Variants in IFT57 observed in about 807,000 individuals in gnomAD.
IFT57 encodes the protein intraflagellar transport 57.
Under a neutral mutation model 56.8 loss-of-function variants are expected in IFT57, and 59 were observed. That is an observed-to-expected ratio of 1.04 (90% CI 0.84 to 1.29). The LOEUF is 1.29. Among genes scored for constraint, IFT57 ranks in the 50% most tolerant of loss-of-function variants. IFT57 has a pLI of 0.00. For synonymous variants in IFT57, 209 were observed against 186.1 expected (o/e 1.12, Z -1.00); for missense variants, 470 against 522.1 (o/e 0.90, Z 0.97).
chr3:108,201,473 T>C (rs1197885370), intron 5 of IFT57, among the ~76,000 whole-genome samples: 1 of 152,214 alleles, frequency 6.6e-6, no homozygotes, highest in Non-Finnish European at 1.5e-5. Context: ...AAGGGTTAGT[T>C]ACCACAGAAA....
At chr3:108,194,887 A>G (rs1005898262) in intron 5 of IFT57, among the ~76,000 whole-genome samples, 3 of 152,174 alleles carry the variant, frequency 2.0e-5, no homozygotes, top group African/African-American at 7.2e-5. Context: ...CACTGGGGAA[A>G]CACTCCAGAA....
chr3:108,190,810 A>G (rs2080211182), intron 6 of IFT57, among the ~76,000 whole-genome samples: 2 of 152,170 alleles, frequency 1.3e-5, no homozygotes, highest in Admixed American at 1.3e-4. Flanking sequence ...TTATTTATTT[A>G]GAGATGGAAT....
At chr3:108,175,197 G>A (rs2080117743) in intron 6 of IFT57, among the ~76,000 whole-genome samples, 1 of 151,722 alleles carries the variant, frequency 6.6e-6, no homozygotes, top group South Asian at 2.1e-4. Context: ...GCTCTAACGT[G>A]TTCATTAGGC....
At chr3:108,200,679 T>C (rs749561681) in intron 5 of IFT57, among the ~76,000 whole-genome samples, 4 of 152,188 alleles carry the variant, frequency 2.6e-5, no homozygotes, top group Admixed American at 1.3e-4. Flanking sequence ...CCTTGAGTCA[T>C]TTCTGTAGGG....
chr3:108,181,333 C>G (rs1032409999), intron 6 of IFT57, among the ~76,000 whole-genome samples: 19 of 152,190 alleles, frequency 1.2e-4, no homozygotes, highest in African/African-American at 3.9e-4. Flanking sequence ...AATATTCCCA[C>G]AACTCTGATA....
chr3:108,211,033 G>GC (rs2080340171), intron 4 of IFT57, among the ~76,000 whole-genome samples: 1 of 152,292 alleles, frequency 6.6e-6, no homozygotes. Context: ...ACAACGATGT[G>GC]CCGATAGTTT....
chr3:108,215,777 A>T (rs1318153878), intron 3 of IFT57, among the ~76,000 whole-genome samples: 1 of 152,200 alleles, frequency 6.6e-6, no homozygotes, highest in East Asian at 1.9e-4. Flanking sequence ...CAGAGCTGAC[A>T]TATTCTCTAA....
intron 6 of IFT57, among the ~76,000 whole-genome samples, chr3:108,180,105 A>G (rs1170311202): frequency 1.3e-5 from 2 of 152,060 alleles, no homozygotes; most frequent in South Asian, 2.1e-4. Flanking sequence ...ACACCTACCT[A>G]TCACAGAATT....
intron 5 of IFT57, among the ~76,000 whole-genome samples, chr3:108,199,607 C>T (rs938909451): frequency 1.3e-5 from 2 of 152,142 alleles, no homozygotes; most frequent in African/African-American, 4.8e-5. Context: ...AGAAAAGAAG[C>T]CAAGAAGTTA....
Position 108,163,718 on chromosome 3 carries a change from T to C in IFT57, c.1056A>G (p.Glu352=). ...CCATTTCTTGTTTTACCTTTTCTAA[T>C]TCTTCCATAACCTTTCATGAAAACA... ...RTRLLSEVME[E]LEKVKQEMEE... is the part of the protein sequence containing the mutation. Residue 352 remains glutamate (E), a synonymous_variant, in exon 10 of 11, where the codon GAA becomes GAG. Coordinates refer to ENST00000264538, the MANE Select transcript of IFT57 (RefSeq NM_018010.4). The C allele has an allele frequency of 1.2e-6, 2 of 1,608,174 alleles. No individual in the cohort carries two copies. The highest frequency in any genetic ancestry group is 1.7e-6 in the Non-Finnish European group (2 of 1,175,380).
At chr3:108,203,971 T>A (rs2080294375) in intron 5 of IFT57, among the ~76,000 whole-genome samples, 1 of 152,240 alleles carries the variant, frequency 6.6e-6, no homozygotes, top group Non-Finnish European at 1.5e-5. Context: ...GTTTTTGTTC[T>A]AGTGAAGAAT....
chr3:108,206,839 G>A (rs1289748), intron 4 of IFT57, 143 bp from the exon 5 acceptor site: 180,632 of 230,344 alleles, frequency 0.78, 72,948 homozygotes, highest in Non-Finnish European at 0.87. Flanking sequence ...CCTAGTGAAC[G>A]TGTGCATAAA....
chr3:108,209,184 ATT>A (rs2080329811), intron 4 of IFT57, among the ~76,000 whole-genome samples: 1 of 152,168 alleles, frequency 6.6e-6, no homozygotes, highest in Admixed American at 6.5e-5. Context: ...ATTCGTATGT[ATT>A]TTTGTTTTCT....
At chr3:108,180,827 TTAAG>T (rs1457414033) in intron 6 of IFT57, among the ~76,000 whole-genome samples, 1 of 152,078 alleles carries the variant, frequency 6.6e-6, no homozygotes, top group African/African-American at 2.4e-5. Flanking sequence ...ATAGTTCATA[TTAAG>T]TAATTTTAAA....
At chr3:108,178,843 G>A (rs1015342311) in intron 6 of IFT57, among the ~76,000 whole-genome samples, 2 of 151,780 alleles carry the variant, frequency 1.3e-5, no homozygotes, top group East Asian at 3.9e-4. Context: ...GTCTACTACA[G>A]CTGATCACAT....
chr3:108,188,640 T>C (rs1351111619), intron 6 of IFT57, among the ~76,000 whole-genome samples: 1 of 152,202 alleles, frequency 6.6e-6, no homozygotes, highest in African/African-American at 2.4e-5. Flanking sequence ...TATATCCTCA[T>C]AAGATTAAGG....
At chr3:108,218,782 A>C (rs2080388095) in intron 2 of IFT57, 129 bp from the exon 3 acceptor site, 1 of 475,630 alleles carries the variant, frequency 2.1e-6, no homozygotes, top group Non-Finnish European at 3.8e-6. Flanking sequence ...CTGTAATTAC[A>C]CTGCTTCATA....
intron 3 of IFT57, among the ~76,000 whole-genome samples, chr3:108,215,335 G>A (rs1346169704): frequency 1.3e-5 from 2 of 152,150 alleles, no homozygotes; most frequent in Non-Finnish European, 2.9e-5. Context: ...GCCAAGGCAG[G>A]TGGACTGTCT....
intron 6 of IFT57, among the ~76,000 whole-genome samples, chr3:108,187,954 T>TA (rs2080193892): frequency 6.6e-6 from 1 of 151,910 alleles, no homozygotes; most frequent in African/African-American, 2.4e-5. Flanking sequence ...TTTTTTTTTT[T>TA]ATACTTTAAG....
Sources: gnomAD v4.1 joint callset for allele counts (sites outside exome capture counted in the v4.1 genomes callset) on GRCh38, gnomAD v4.1.1 for gene constraint, MANE v1.5 for transcripts, NCBI Gene and HGNC (gene_info 2026-07-23, HGNC 2026-07-21) for gene names.